The following LRFN2 variants were observed in gnomAD, a reference collection of about 807,000 sequenced individuals.
LRFN2 encodes leucine-rich repeat and fibronectin type-III domain-containing protein 2.
LRFN2 carries 18 observed loss-of-function variants against 37.3 expected under a neutral mutation model. The observed-to-expected ratio is 0.48, with a 90% CI of 0.33 to 0.72. The LOEUF (loss-of-function observed/expected upper bound fraction) is 0.72. Ranked by LOEUF, LRFN2 falls within the 30% of genes least tolerant of loss-of-function variation. The pLI is 0.02. For missense variants in LRFN2, 1,006 were observed against 1,060.7 expected (o/e 0.95, Z 0.72); for synonymous variants, 556 against 466.6 (o/e 1.19, Z -2.47).
At chr6:40,499,528 T>C (rs867081447) in intron 1 of LRFN2, among the ~76,000 whole-genome samples, 1 of 152,204 alleles carries the variant, frequency 6.6e-6, no homozygotes, top group African/African-American at 2.4e-5. Flanking sequence ...GCAATTTTTA[T>C]TTTCCAAGGG....
chr6:40,393,309 T>C (rs1024489738), intron 2 of LRFN2, among the ~76,000 whole-genome samples: 36 of 151,328 alleles, frequency 2.4e-4, no homozygotes, highest in African/African-American at 8.8e-4. Context: ...AGACCGAGGA[T>C]GTGTCAGAGA....
intron 2 of LRFN2, among the ~76,000 whole-genome samples, chr6:40,416,181 GTA>G (rs1763087907): frequency 6.6e-6 from 1 of 152,138 alleles, no homozygotes; most frequent in African/African-American, 2.4e-5. Context: ...GCTAATTTTT[GTA>G]TGTTTAGTAG....
intron 2 of LRFN2, among the ~76,000 whole-genome samples, chr6:40,430,397 C>G (rs963323510): frequency 2.0e-5 from 3 of 152,234 alleles, no homozygotes; most frequent in Non-Finnish European, 4.4e-5. Flanking sequence ...TTTTTGATCT[C>G]TCTTGCACCA....
intron 1 of LRFN2, among the ~76,000 whole-genome samples, chr6:40,504,445 C>T (rs1339271200): frequency 6.6e-6 from 1 of 152,174 alleles, no homozygotes; most frequent in Non-Finnish European, 1.5e-5. Context: ...CCTCCGGTCA[C>T]AACAAAGTAA....
chr6:40,521,850 T>G (rs1766079514), intron 1 of LRFN2, among the ~76,000 whole-genome samples: 1 of 152,212 alleles, frequency 6.6e-6, no homozygotes, highest in South Asian at 2.1e-4. Context: ...CTGCTAGCAG[T>G]GCTGCACCCC....
intron 1 of LRFN2, among the ~76,000 whole-genome samples, chr6:40,475,190 CTATG>C: frequency 6.6e-6 from 1 of 152,204 alleles, no homozygotes; most frequent in African/African-American, 2.4e-5. Context: ...AGCACTGAGC[CTATG>C]TGTTTGACCA....
chr6:40,504,532 T>C (rs1765477810), intron 1 of LRFN2, among the ~76,000 whole-genome samples: 1 of 151,984 alleles, frequency 6.6e-6, no homozygotes, highest in African/African-American at 2.4e-5. Flanking sequence ...GGAACAGGAA[T>C]GAGAAAAGAA....
chr6:40,486,839 A>G (rs1764970017), intron 1 of LRFN2, among the ~76,000 whole-genome samples: 1 of 152,202 alleles, frequency 6.6e-6, no homozygotes, highest in Non-Finnish European at 1.5e-5. Context: ...ATTTAAAGAC[A>G]TATCTCAAGT....
chr6:40,521,635 G>A (rs1766070759), intron 1 of LRFN2, among the ~76,000 whole-genome samples: 1 of 152,202 alleles, frequency 6.6e-6, no homozygotes. Context: ...GCCCTTGAGG[G>A]ACTGTGTGGC....
intron 1 of LRFN2, among the ~76,000 whole-genome samples, chr6:40,489,143 C>A (rs1197639339): frequency 6.6e-6 from 1 of 152,130 alleles, no homozygotes; most frequent in African/African-American, 2.4e-5. Flanking sequence ...AGCAGGCACA[C>A]CCCACCCTGC....
At chr6:40,395,437 G>A (rs1264691131) in intron 2 of LRFN2, among the ~76,000 whole-genome samples, 1 of 152,204 alleles carries the variant, frequency 6.6e-6, no homozygotes, top group Non-Finnish European at 1.5e-5. Flanking sequence ...AGAGCCTGCT[G>A]TGACTCACGC....
At chr6:40,451,650 G>A (rs1232684486) in intron 1 of LRFN2, among the ~76,000 whole-genome samples, 1 of 152,086 alleles carries the variant, frequency 6.6e-6, no homozygotes, top group African/African-American at 2.4e-5. Flanking sequence ...GTGCCGTGTG[G>A]ATCCTGGTCT....
At chr6:40,398,125 C>A (rs541428945) in intron 2 of LRFN2, among the ~76,000 whole-genome samples, 2 of 152,038 alleles carry the variant, frequency 1.3e-5, no homozygotes, top group South Asian at 4.2e-4. Context: ...ACTGTTGACA[C>A]TTTGGCTGAC....
chr6:40,579,597 C>T (rs2473589), intron 1 of LRFN2, among the ~76,000 whole-genome samples: 68,454 of 150,640 alleles, frequency 0.45, 15,836 homozygotes, highest in Middle Eastern at 0.56. Context: ...CTAAGCAACA[C>T]ACACGAACAC....
chr6:40,474,120 T>A (rs1764661948), intron 1 of LRFN2, among the ~76,000 whole-genome samples: 1 of 152,096 alleles, frequency 6.6e-6, no homozygotes. Context: ...CTGGGCACCT[T>A]CTCAGGTAAG....
Position 40,409,170 on chromosome 6 carries a change from C to A in LRFN2, c.1401-16258G>T, listed in dbSNP as rs192151749. On this transcript the variant is annotated intron_variant, in intron 2 of 2. Transcript: ENST00000338305. Reference sequence around the variant, plus strand: ...TAAAGCAAATCTGGGTAAAATGAAGCCCTCAGTCATTTCATGGAGGGGCAT... The same window carrying A: ...TAAAGCAAATCTGGGTAAAATGAAGACCTCAGTCATTTCATGGAGGGGCAT... Among the ~76,000 whole-genome samples, 526 of 152,310 alleles carry A rather than the reference C, an allele frequency of 3.5e-3. 2 individuals carry two copies. Among genetic ancestry groups the A allele is most frequent in the South Asian group, 0.02 (97 of 4,822 alleles).
chr6:40,427,450 A>G (rs1475180095), intron 2 of LRFN2, among the ~76,000 whole-genome samples: 2 of 152,088 alleles, frequency 1.3e-5, no homozygotes, highest in Non-Finnish European at 2.9e-5. Flanking sequence ...TGGACCTGTC[A>G]CTCCAGAGAT....
intron 1 of LRFN2, among the ~76,000 whole-genome samples, chr6:40,543,739 A>G (rs1766599682): frequency 6.6e-6 from 1 of 152,326 alleles, no homozygotes; most frequent in East Asian, 1.9e-4. Context: ...CATCTTTTGT[A>G]TCAGCAAAAA....
At chr6:40,435,792 C>A (rs1182651035) in intron 1 of LRFN2, among the ~76,000 whole-genome samples, 1 of 152,074 alleles carries the variant, frequency 6.6e-6, no homozygotes, top group Non-Finnish European at 1.5e-5. Flanking sequence ...CCCGTCTTGG[C>A]CTCCTGTAAT....
Sources: gnomAD v4.1 joint callset for allele counts (sites outside exome capture counted in the v4.1 genomes callset) on GRCh38, gnomAD v4.1.1 for gene constraint, MANE v1.5 for transcripts, NCBI Gene and HGNC (gene_info 2026-07-23, HGNC 2026-07-21) for gene names.